The following NAE1 variants were observed in gnomAD, a reference collection of about 807,000 sequenced individuals.
The protein encoded by NAE1 is NEDD8 activating enzyme E1 subunit 1, also known as NEDD8-activating enzyme E1 regulatory subunit.
Under a neutral mutation model 88.0 loss-of-function variants are expected in NAE1, and 59 were observed. The observed-to-expected ratio is 0.67, with a 90% CI of 0.54 to 0.83. NAE1 has a LOEUF of 0.83. Among genes scored for constraint, NAE1 ranks in the 40% least tolerant of loss-of-function variants. The pLI is 0.00. For synonymous variants in NAE1, 186 were observed against 208.9 expected, an observed-to-expected ratio of 0.89 and a Z score of 0.95; for missense variants, 554 against 632.8, an observed-to-expected ratio of 0.88 and a Z score of 1.34.
rs1960339613 is a variant in NAE1 at position 66,823,280 on chromosome 16, A to T, written c.348T>A (p.Asp116Glu). The T allele has an allele frequency of 1.9e-6, 3 of 1,604,586 alleles. No homozygotes were observed. Among genetic ancestry groups the T allele is most frequent in the Non-Finnish European group, 2.5e-6 (3 of 1,177,030 alleles). Reference sequence around the variant, plus strand: ...CAGTAAACCTACAGAAAAATGAGGGATCATTGTCTAGAAGGTTTTCTGGAC... The same window carrying T: ...CAGTAAACCTACAGAAAAATGAGGGTTCATTGTCTAGAAGGTTTTCTGGAC... ...EESPENLLDN[D>E]PSFFCRFTVV... is the part of the protein sequence containing the mutation. The change falls in exon 6 of 20, where the codon GAT (aspartate) becomes GAA (glutamate). Residue 116 changes from aspartate (D) to glutamate (E), a missense_variant. By Grantham distance (45) the Asp-to-Glu change is conservative. Transcript: ENST00000290810.
At chr16:66,808,905 A>T in intron 16 of NAE1, 84 bp downstream of exon 16, 2 of 873,118 alleles carry the variant, frequency 2.3e-6, no homozygotes, top group Non-Finnish European at 3.4e-6. Flanking sequence ...TCATCACCAT[A>T]TACTCAACAC....
chr16:66,823,355 A>C (rs1442959393), intron 5 of NAE1, 49 bp from the exon 6 acceptor site: 2 of 1,461,530 alleles, frequency 1.4e-6, no homozygotes, highest in Non-Finnish European at 1.9e-6. Flanking sequence ...CCAATTTCAC[A>C]ATCATATTAA....
At chr16:66,812,513 CTTTTTTTT>C (rs961953416) in intron 13 of NAE1, among the ~76,000 whole-genome samples, 1 of 103,678 alleles carries the variant, frequency 9.6e-6, no homozygotes, top group Non-Finnish European at 1.9e-5. Flanking sequence ...CCCCTAAGTT[CTTTTTTTT>C]TTTTTTTTTT....
At chr16:66,806,985 AG>A (rs759297293) in intron 17 of NAE1, among the ~76,000 whole-genome samples, 1 of 152,206 alleles carries the variant, frequency 6.6e-6, no homozygotes, top group Non-Finnish European at 1.5e-5. Flanking sequence ...ACATGCCAAA[AG>A]GAAGTCCAAG....
intron 9 of NAE1, 46 bp downstream of exon 9, chr16:66,817,379 C>T: frequency 7.0e-7 from 1 of 1,429,306 alleles, no homozygotes; most frequent in Non-Finnish European, 9.8e-7. Context: ...TTGTAAGAAA[C>T]TGAAAATACA....
intron 1 of NAE1, among the ~76,000 whole-genome samples, 175 bp downstream of exon 1, chr16:66,830,672 G>A (rs760003012): frequency 1.3e-5 from 2 of 152,222 alleles, no homozygotes; most frequent in Non-Finnish European, 2.9e-5. Context: ...CCCTCGCGGA[G>A]CACCTTTGGC....
At chr16:66,826,191 C>G (rs572647449) in intron 3 of NAE1, 1 of 277,862 alleles carries the variant, frequency 3.6e-6, no homozygotes, top group East Asian at 8.2e-5. Context: ...TAAAAGACAT[C>G]ACAAACAACA....
At chr16:66,810,202 G>A (rs1022445934) in intron 15 of NAE1, among the ~76,000 whole-genome samples, 172 bp downstream of exon 15, 7 of 151,630 alleles carry the variant, frequency 4.6e-5, no homozygotes, top group Non-Finnish European at 1.5e-5. Flanking sequence ...TAAAATACTC[G>A]CCATGTATTG....
intron 8 of NAE1, among the ~76,000 whole-genome samples, chr16:66,817,906 G>A (rs931665488): frequency 2.0e-5 from 3 of 152,146 alleles, no homozygotes; most frequent in African/African-American, 7.2e-5. Context: ...TTTAGAAAAA[G>A]TCCATAAAGA....
In NAE1 at chr16:66,817,025, T is replaced by C; in HGVS notation, c.688A>G (p.Asn230Asp). ...KYLAQWYSET[N>D]GRIPKTYKEK... The stretch of plus-strand genomic sequence containing the variant: ...TTATACGTTTTAGGTATTCGTCCAT[T>C]TGTCTAAATTGGTTAAAAATTTTAA... Residue 230 changes from asparagine to aspartate, a missense_variant, in exon 10 of 20, where the codon AAT (asparagine) becomes GAT (aspartate). Physicochemically the swap from Asn to Asp is conservative, Grantham distance 23 (BLOSUM62 1). Transcript: ENST00000290810. 6.3e-7 allele frequency: 1 copy of C among 1,584,630 alleles called. No individual in the cohort carries two copies. The highest frequency in any genetic ancestry group is 8.5e-7 in the Non-Finnish European group (1 of 1,172,680).
rs747390722 is a variant in NAE1, at chr16:66,830,904, G to A, written c.-5C>T. 8 of 1,531,610 alleles carry A rather than the reference G, an allele frequency of 5.2e-6. No individual in the cohort carries two copies. The highest frequency in any genetic ancestry group is 2.4e-5 in the South Asian group (2 of 83,732). The allele number at this position is 1,531,610 out of a possible 1,614,324, so 94.9% of individuals were successfully genotyped here. On this transcript the variant is annotated 5_prime_UTR_variant, in exon 1 of 20. Coordinates refer to ENST00000290810, the MANE Select transcript of NAE1 (RefSeq NM_003905.4). ...CAGCTTTCCCAGCTGCGCCATGGCC[G>A]CGCCTGCCGCGCGGAAAACAGCCGA...
chr16:66,805,124 G>A (rs930406100), intron 19 of NAE1, among the ~76,000 whole-genome samples: 1 of 152,108 alleles, frequency 6.6e-6, no homozygotes, highest in Non-Finnish European at 1.5e-5. Context: ...AGGCAAATAG[G>A]CACAGAGGAG....
In NAE1 at chr16:66,826,729, T is replaced by C. The variant is rs758818073; in HGVS notation, c.105A>G (p.Leu35=). ...CAGTTCCTGTGGCTGTTGCATTTAT[T>C]AGGCAAACATGAGCAGATTCTAAAG... ...QEALESAHVC[L]INATATGTEI... The change falls in exon 2 of 20, where the codon CTA becomes CTG. Residue 35 remains leucine, a synonymous_variant. Coordinates refer to ENST00000290810, the MANE Select transcript of NAE1 (RefSeq NM_003905.4). 1.9e-6 allele frequency: 3 copies of C among 1,614,168 alleles called. No individual in the cohort carries two copies. Among genetic ancestry groups the C allele is most frequent in the South Asian group, 1.1e-5 (1 of 91,086 alleles).
At chr16:66,805,592 G>GCGAGCTATGGAGTGTAT in intron 19 of NAE1, 185 bp downstream of exon 19, 2 of 433,854 alleles carry the variant, frequency 4.6e-6, no homozygotes, top group South Asian at 2.5e-4. Flanking sequence ...GAGCTATGAT[G>GCGAGCTATGGAGTGTAT]GCATCAATAC....
rs1182984601 is a variant in NAE1 at position 66,817,027 on chromosome 16, G to C, written c.686C>G (p.Thr229Arg). The change falls in exon 10 of 20, where the codon ACA (threonine) becomes AGA (arginine). Residue 229 changes from threonine to arginine, a missense_variant and splice_region_variant. Physicochemically the swap from Thr to Arg is moderately conservative, Grantham distance 71. Transcript: ENST00000290810. ...AKYLAQWYSE[T>R]NGRIPKTYKE... ...ATACGTTTTAGGTATTCGTCCATTT[G>C]TCTAAATTGGTTAAAAATTTTAAAA... is the stretch of plus-strand genomic sequence containing the variant. 5.1e-6 allele frequency: 8 copies of C among 1,581,700 alleles called. No individual in the cohort carries two copies. The Admixed American group carries it at 1.4e-4, about 28-fold the overall frequency.
intron 17 of NAE1, among the ~76,000 whole-genome samples, chr16:66,806,704 T>C (rs560644026): frequency 2.6e-5 from 4 of 152,178 alleles, no homozygotes; most frequent in Non-Finnish European, 5.9e-5. Flanking sequence ...TGAGCCACCA[T>C]GCCTGGCCAA....
intron 17 of NAE1, among the ~76,000 whole-genome samples, chr16:66,806,395 C>T (rs937244354): frequency 3.3e-5 from 5 of 152,016 alleles, no homozygotes; most frequent in Admixed American, 3.3e-4. Context: ...TGATAAATGA[C>T]ACTGAGGACA....
chr16:66,804,066 G>A (rs1959462484), intron 19 of NAE1, among the ~76,000 whole-genome samples: 1 of 152,070 alleles, frequency 6.6e-6, no homozygotes, highest in Non-Finnish European at 1.5e-5. Flanking sequence ...GACCATAGGT[G>A]CTAAGGAGAA....
At chr16:66,823,505 A>G (rs1021758165) in intron 5 of NAE1, 24 bp downstream of exon 5, 2 of 1,578,770 alleles carry the variant, frequency 1.3e-6, no homozygotes, top group Non-Finnish European at 8.7e-7. Flanking sequence ...CAGCACAGAC[A>G]TAATAATGTG....
Sources: gnomAD v4.1 joint callset for allele counts (sites outside exome capture counted in the v4.1 genomes callset) on GRCh38, gnomAD v4.1.1 for gene constraint, MANE v1.5 for transcripts, NCBI Gene and HGNC (gene_info 2026-07-23, HGNC 2026-07-21) for gene names.